The following RNLS variants were observed in gnomAD, a reference collection of about 807,000 sequenced individuals.
RNLS encodes renalase.
Under a neutral mutation model 39.8 loss-of-function variants are expected in RNLS, and 39 were observed. The ratio of observed to expected loss-of-function variants is 0.98; its 90% CI spans 0.76 to 1.28. The LOEUF (loss-of-function observed/expected upper bound fraction) is 1.28. Among genes scored for constraint, RNLS ranks in the 50% most tolerant of loss-of-function variants. The probability of loss-of-function intolerance (pLI) is 0.00; values close to 1 mark genes in which losing one functional copy is unlikely to be tolerated. For missense variants in RNLS, 410 were observed against 413.3 expected (o/e 0.99, Z 0.07); for synonymous variants, 147 against 150.7 (o/e 0.98, Z 0.18).
At chr10:88,225,284 T>C in the RNLS span, among the ~76,000 whole-genome samples, 2 of 152,266 alleles carry the variant, frequency 1.3e-5, no homozygotes, top group African/African-American at 2.4e-5. Flanking sequence ...AGTAATGACA[T>C]ACCTTCTGAA....
At chr10:88,513,618 T>C (rs1036722575) in intron 4 of RNLS, among the ~76,000 whole-genome samples, 6 of 152,150 alleles carry the variant, frequency 3.9e-5, no homozygotes, top group African/African-American at 1.4e-4. Context: ...AAATACTTAA[T>C]GAATATTATT....
chr10:88,311,594 CTT>C (rs1293389799), intron 6 of RNLS, among the ~76,000 whole-genome samples: 2 of 152,188 alleles, frequency 1.3e-5, no homozygotes, highest in Admixed American at 1.3e-4. Flanking sequence ...TCACCTGCCT[CTT>C]TCCTCATTTA....
intron 4 of RNLS, among the ~76,000 whole-genome samples, chr10:88,424,198 A>T (rs1854574633): frequency 6.6e-6 from 1 of 152,210 alleles, no homozygotes; most frequent in African/African-American, 2.4e-5. Context: ...CAACATGCAT[A>T]ATAGTGCCTG....
At chr10:88,344,499 G>C (rs1411130587) in intron 5 of RNLS, among the ~76,000 whole-genome samples, 1 of 151,972 alleles carries the variant, frequency 6.6e-6, no homozygotes, top group African/African-American at 2.4e-5. Context: ...AACAACGATT[G>C]GATCTGGGTA....
intron 5 of RNLS, among the ~76,000 whole-genome samples, chr10:88,355,353 C>T (rs1278632813): frequency 6.6e-6 from 1 of 152,014 alleles, no homozygotes; most frequent in Admixed American, 6.6e-5. Context: ...TTTTATCTAC[C>T]TTTGGTCTTT....
intron 4 of RNLS, among the ~76,000 whole-genome samples, chr10:88,454,240 G>T (rs749170313): frequency 5.3e-5 from 8 of 152,192 alleles, no homozygotes; most frequent in Non-Finnish European, 1.0e-4. Flanking sequence ...ATAACAAATT[G>T]AGTATCAAAT....
At chr10:88,358,814 T>G (rs929333043) in intron 5 of RNLS, among the ~76,000 whole-genome samples, 1 of 152,234 alleles carries the variant, frequency 6.6e-6, no homozygotes. Context: ...GGGCTACTTC[T>G]ATATCCTCTA....
chr10:88,474,564 T>C (rs1157388240), intron 4 of RNLS, among the ~76,000 whole-genome samples: 1 of 152,166 alleles, frequency 6.6e-6, no homozygotes, highest in African/African-American at 2.4e-5. Context: ...TAATAATACC[T>C]CTTCAAGTTG....
chr10:88,221,816 C>A, the RNLS span, among the ~76,000 whole-genome samples: 6 of 150,088 alleles, frequency 4.0e-5, no homozygotes, highest in Admixed American at 4.0e-4. Context: ...AATTGTGGCA[C>A]TTTTTTTTTT....
intron 5 of RNLS, among the ~76,000 whole-genome samples, chr10:88,336,661 GTCT>G (rs1847524296): frequency 6.6e-6 from 1 of 152,168 alleles, no homozygotes; most frequent in Non-Finnish European, 1.5e-5. Context: ...AGTGTGTTCT[GTCT>G]TCGTCAGCTG....
intron 5 of RNLS, among the ~76,000 whole-genome samples, chr10:88,349,409 C>T (rs1369066817): frequency 3.3e-5 from 5 of 152,070 alleles, no homozygotes; most frequent in Admixed American, 2.6e-4. Context: ...ACTTTGTGTG[C>T]AAATGTTCTC....
chr10:88,535,470 T>C (rs889322185), intron 4 of RNLS, among the ~76,000 whole-genome samples: 6 of 151,904 alleles, frequency 3.9e-5, no homozygotes, highest in African/African-American at 1.5e-4. Flanking sequence ...TCAGGAAGAA[T>C]AGTTAATGGA....
At chr10:88,430,592 TG>T in intron 4 of RNLS, among the ~76,000 whole-genome samples, 1 of 151,882 alleles carries the variant, frequency 6.6e-6, no homozygotes, top group Non-Finnish European at 1.5e-5. Flanking sequence ...AGAAAGCATT[TG>T]GTTTTTTTAC....
chr10:88,395,740 C>T lies in RNLS; in HGVS notation c.527-33015G>A, dbSNP rs537694422. On this transcript the variant is annotated intron_variant, in intron 4 of 6. Coordinates refer to ENST00000331772, the MANE Select transcript of RNLS (RefSeq NM_001031709.3). ...AAATCATGAATCTACATCCAACAAA[C>T]TCAACACACTCTATGTAGAATAAAA... 3.3e-5 allele frequency among the ~76,000 whole-genome samples: 5 copies of T among 152,160 alleles called. No individual in the cohort carries two copies. The East Asian group carries it at 9.7e-4, about 29-fold the overall frequency.
chr10:88,332,795 A>G (rs1847208123), intron 5 of RNLS, among the ~76,000 whole-genome samples: 1 of 152,200 alleles, frequency 6.6e-6, no homozygotes, highest in Non-Finnish European at 1.5e-5. Context: ...TTCAAGTAAA[A>G]AAGTGTGTGG....
At chr10:88,203,328 ATATATATACACGTATGTG>A in the RNLS span, among the ~76,000 whole-genome samples, 6 of 19,380 alleles carry the variant, frequency 3.1e-4, 2 homozygotes, top group East Asian at 1.4e-3. Context: ...GTATATATAT[ATATATATACACGTATGTG>A]TATATATATA....
intron 4 of RNLS, among the ~76,000 whole-genome samples, chr10:88,549,637 T>C (rs1848515048): frequency 4.6e-5 from 7 of 152,112 alleles, no homozygotes; most frequent in Admixed American, 3.9e-4. Context: ...GTCAGGGAGA[T>C]GAATTTAAAG....
chr10:88,265,323 C>CTTTTTTTTTTTTTTTTTTTTT, the RNLS span, among the ~76,000 whole-genome samples: 4 of 59,068 alleles, frequency 6.8e-5, no homozygotes, highest in Non-Finnish European at 9.5e-5. Context: ...CAGGGTTTTT[C>CTTTTTTTTTTTTTTTTTTTTT]TTTTTTTTTT....
the RNLS span, among the ~76,000 whole-genome samples, chr10:88,207,945 C>T: frequency 6.6e-5 from 10 of 152,272 alleles, no homozygotes; most frequent in East Asian, 5.8e-4. Context: ...ATGGCTCAGC[C>T]GCCTCATCAC....
Sources: gnomAD v4.1 joint callset for allele counts (sites outside exome capture counted in the v4.1 genomes callset) on GRCh38, gnomAD v4.1.1 for gene constraint, MANE v1.5 for transcripts, NCBI Gene and HGNC (gene_info 2026-07-23, HGNC 2026-07-21) for gene names.